CALD1: variants seen among roughly 807,000 people sequenced by gnomAD.
CALD1 encodes caldesmon 1.
A neutral mutation model predicts 99.9 loss-of-function variants in CALD1; 33 were observed. The observed-to-expected ratio is 0.33, with a 90% CI of 0.25 to 0.44. The LOEUF is 0.44. CALD1 is among the 20% of genes least tolerant of loss of function. CALD1 has a pLI of 1.00. For missense variants in CALD1, 861 were observed against 962.1 expected (o/e 0.89, Z 1.39); for synonymous variants, 310 against 325.0 (o/e 0.95, Z 0.50).
intron 13 of CALD1, among the ~76,000 whole-genome samples, chr7:134,964,454 G>C (rs1289935080): frequency 1.3e-5 from 2 of 152,150 alleles, no homozygotes; most frequent in Non-Finnish European, 2.9e-5. Flanking sequence ...TGAGGCGAGA[G>C]TGAGCCTGAA....
intron 1 of CALD1, among the ~76,000 whole-genome samples, chr7:134,802,680 A>C (rs1380737674): frequency 6.6e-6 from 1 of 152,240 alleles, no homozygotes; most frequent in East Asian, 1.9e-4. Flanking sequence ...GTTGGGCTAA[A>C]TTATCTAACA....
rs1052081548 is a variant in CALD1 at position 134,763,419 on chromosome 7, G to A, written c.-130+19056G>A. The stretch of plus-strand genomic sequence containing the variant: ...GGAGAAGAAGTTCTTCAAGCAATGG[G>A]GCTTAGTTTTTCAGACAGAAATATC... On this transcript the variant is annotated intron_variant, in intron 1 of 13. Transcript: ENST00000417172. 3.9e-5 allele frequency among the ~76,000 whole-genome samples: 6 copies of A among 152,190 alleles called. No homozygotes were observed. The South Asian group carries it at 1.0e-3, about 26-fold the overall frequency.
chr7:134,948,473 T>C (rs909725276), intron 8 of CALD1, among the ~76,000 whole-genome samples: 5 of 152,198 alleles, frequency 3.3e-5, no homozygotes, highest in Non-Finnish European at 5.9e-5. Context: ...CTTACAGTAC[T>C]ACAGTTTACA....
chr7:134,927,741 G>A (rs1237554367), intron 3 of CALD1, among the ~76,000 whole-genome samples: 4 of 150,956 alleles, frequency 2.6e-5, no homozygotes, highest in Non-Finnish European at 4.4e-5. Flanking sequence ...GCCTTAAAGG[G>A]AGCTGCCACC....
At chr7:134,797,610 T>C (rs977347939) in intron 1 of CALD1, among the ~76,000 whole-genome samples, 11 of 152,182 alleles carry the variant, frequency 7.2e-5, no homozygotes, top group Non-Finnish European at 1.2e-4. Context: ...TTTTTTATTT[T>C]TGAGACGGAG....
chr7:134,716,675 TC>T, the CALD1 span, among the ~76,000 whole-genome samples: 1 of 152,176 alleles, frequency 6.6e-6, no homozygotes, highest in Non-Finnish European at 1.5e-5. Flanking sequence ...GTTCAAATAT[TC>T]ATGGCAGGTA....
rs560193292 is a variant in CALD1 at position 134,950,683 on chromosome 7, C to T, written c.1935+169C>T. ...AAATACTTTAGACTGGGGCCAGGCA[C>T]GGTGGCTCATGCCTGTAATCCCAGC... On this transcript the variant is annotated intron_variant, in intron 9 of 14. Transcript: ENST00000361675. Among the ~76,000 whole-genome samples, 68 of 152,280 alleles carry T rather than the reference C, an allele frequency of 4.5e-4. 1 individual carries two copies. The highest frequency in any genetic ancestry group is 2.7e-3 in the Admixed American group (42 of 15,302).
At chr7:134,961,433 G>C (rs1437248956) in intron 13 of CALD1, 2 of 152,196 alleles carry the variant, frequency 1.3e-5, no homozygotes, top group African/African-American at 4.8e-5. Context: ...CTACATTCTA[G>C]AGGAAGAAGA....
At chr7:134,806,487 C>CT (rs1798144596) in intron 1 of CALD1, among the ~76,000 whole-genome samples, 1 of 152,206 alleles carries the variant, frequency 6.6e-6, no homozygotes, top group Non-Finnish European at 1.5e-5. Context: ...ACTTCTCTGT[C>CT]TTTGAGTTTC....
chr7:134,829,124 G>A (rs1216035539), intron 1 of CALD1, among the ~76,000 whole-genome samples: 1 of 152,188 alleles, frequency 6.6e-6, no homozygotes, highest in African/African-American at 2.4e-5. Context: ...GGAATCATTA[G>A]TAAACACAAT....
At chr7:134,752,997 G>A (rs985672605) in intron 1 of CALD1, among the ~76,000 whole-genome samples, 3 of 129,352 alleles carry the variant, frequency 2.3e-5, no homozygotes, top group Non-Finnish European at 4.7e-5. Flanking sequence ...GCAACAGAAC[G>A]AGACTCTGTA....
At chr7:134,858,343 C>A (rs1430343399) in intron 2 of CALD1, among the ~76,000 whole-genome samples, 4 of 151,964 alleles carry the variant, frequency 2.6e-5, no homozygotes, top group African/African-American at 9.7e-5. Context: ...AGCTAGATTG[C>A]CCCCATCCAA....
At chr7:134,822,913 C>T (rs1043645165) in intron 1 of CALD1, among the ~76,000 whole-genome samples, 4 of 152,180 alleles carry the variant, frequency 2.6e-5, no homozygotes, top group African/African-American at 9.6e-5. Flanking sequence ...TTATCCCTGC[C>T]TCTCCACTGT....
In CALD1 at chr7:134,965,326, A is replaced by T. The variant is rs764928619; in HGVS notation, c.2316A>T (p.Val772=). ...ATCAGGACTTGAGACCAGGAGACGT[A>T]TCCAGCAAGCGGAACCTCTGGGAAA... is the stretch of plus-strand genomic sequence containing the variant. ...PKPSDLRPGD[V]SSKRNLWEKQ... is the part of the protein sequence containing the mutation. The change falls in exon 14 of 15, where the codon GTA becomes GTT. Residue 772 remains valine, a synonymous_variant. Transcript: ENST00000361675. 3 of 1,587,902 alleles carry T rather than the reference A, an allele frequency of 1.9e-6. No homozygotes were observed. In the East Asian group the frequency reaches 6.7e-5, roughly 35 times the overall value.
chr7:134,712,234 C>T, the CALD1 span, among the ~76,000 whole-genome samples: 4 of 152,314 alleles, frequency 2.6e-5, no homozygotes, highest in African/African-American at 9.6e-5. Flanking sequence ...ACCATTTCCT[C>T]CAAACCTTTT....
intron 3 of CALD1, among the ~76,000 whole-genome samples, chr7:134,909,362 A>G (rs1262170441): frequency 6.6e-6 from 1 of 152,208 alleles, no homozygotes. Context: ...ATATTTCATT[A>G]CCAAGGAAGA....
intron 3 of CALD1, among the ~76,000 whole-genome samples, chr7:134,882,843 CA>C (rs961756604): frequency 2.0e-5 from 3 of 151,608 alleles, no homozygotes; most frequent in African/African-American, 7.3e-5. Flanking sequence ...AATGATGGAC[CA>C]AAAAAGAAAA....
At chr7:134,884,943 T>G (rs1801784191) in intron 3 of CALD1, among the ~76,000 whole-genome samples, 1 of 152,166 alleles carries the variant, frequency 6.6e-6, no homozygotes, top group African/African-American at 2.4e-5. Context: ...TTTCTTTTAT[T>G]TATTTATTTT....
chr7:134,898,944 G>C (rs1802776988), intron 3 of CALD1, among the ~76,000 whole-genome samples: 1 of 152,180 alleles, frequency 6.6e-6, no homozygotes. Context: ...TGCTTTGCCT[G>C]ATATTATCTA....
Sources: gnomAD v4.1 joint callset for allele counts (sites outside exome capture counted in the v4.1 genomes callset) on GRCh38, gnomAD v4.1.1 for gene constraint, MANE v1.5 for transcripts, NCBI Gene and HGNC (gene_info 2026-07-23, HGNC 2026-07-21) for gene names.